Variants in NOP58 observed in about 807,000 individuals in gnomAD.
The protein encoded by NOP58 is NOP58 ribonucleoprotein, also known as nucleolar protein 58.
In NOP58, 44 loss-of-function variants were observed where a neutral mutation model predicts 71.2. The observed-to-expected ratio is 0.62, with a 90% confidence interval of 0.49 to 0.79. The LOEUF (loss-of-function observed/expected upper bound fraction) is 0.79. Among genes scored for constraint, NOP58 ranks in the 30% least tolerant of loss-of-function variants. The probability of loss-of-function intolerance (pLI) is 0.00; values close to 1 mark genes in which losing one functional copy is unlikely to be tolerated. For missense variants in NOP58, 538 were observed against 620.2 expected (o/e 0.87, Z 1.41); for synonymous variants, 228 against 200.3 (o/e 1.14, Z -1.17).
At chr2:202,293,439 A>G (rs1335893006) in intron 9 of NOP58, among the ~76,000 whole-genome samples, 3 of 152,262 alleles carry the variant, frequency 2.0e-5, no homozygotes. Context: ...TAAGGATGAT[A>G]TGCTATAATT....
chr2:202,278,067 G>C, intron 3 of NOP58, 65 bp downstream of exon 3: 1 of 995,110 alleles, frequency 1.0e-6, no homozygotes, highest in East Asian at 2.4e-5. Context: ...TGTTTTTCTT[G>C]TTTAAAAGGT....
intron 11 of NOP58, 110 bp downstream of exon 11, chr2:202,297,623 G>C: frequency 8.9e-7 from 1 of 1,124,446 alleles, no homozygotes; most frequent in Non-Finnish European, 1.3e-6. Flanking sequence ...TTATTAGTAT[G>C]TCTAAAGTAT....
rs776779074 is a variant in NOP58 at position 202,297,905 on chromosome 2, AG to A, written c.1268+1del. The A allele has an allele frequency of 6.4e-7, 1 of 1,568,428 alleles. No individual in the cohort carries two copies. The highest frequency in any genetic ancestry group is 8.7e-7 in the Non-Finnish European group (1 of 1,153,484). ...LAKTEKYEHK[S>X]EVKTYDPSGD... ...AAAAACAGAAAAATATGAACACAAA[AG>A]GTGAGTACATTTAAGTGAGGATGGG... On this transcript the variant is annotated frameshift_variant and splice_region_variant, in exon 12 of 15. Transcript: ENST00000264279. LOFTEE classifies it high-confidence loss of function.
intron 3 of NOP58, among the ~76,000 whole-genome samples, chr2:202,279,195 T>G (rs1688659711): frequency 6.6e-6 from 1 of 152,192 alleles, no homozygotes; most frequent in African/African-American, 2.4e-5. Flanking sequence ...TGATCTCAAG[T>G]AGCCTCTTCT....
At chr2:202,299,027 G>A (rs959465785) in intron 12 of NOP58, among the ~76,000 whole-genome samples, 9 of 129,486 alleles carry the variant, frequency 7.0e-5, no homozygotes, top group Non-Finnish European at 7.8e-5. Flanking sequence ...TGGCACGATT[G>A]CGGCTCACTG....
At chr2:202,266,429 G>C (rs1446766753) in intron 1 of NOP58, among the ~76,000 whole-genome samples, 3 of 152,056 alleles carry the variant, frequency 2.0e-5, no homozygotes. Flanking sequence ...CTCCCGAGTA[G>C]CTGGGATTAC....
chr2:202,278,208 A>G (rs765724881), intron 3 of NOP58: 4 of 653,226 alleles, frequency 6.1e-6, no homozygotes, highest in South Asian at 2.9e-5. Flanking sequence ...TTTTTTCACC[A>G]TAGGGCTGGT....
chr2:202,298,017 T>A, intron 12 of NOP58, 111 bp downstream of exon 12: 2 of 667,234 alleles, frequency 3.0e-6, no homozygotes, highest in Non-Finnish European at 4.9e-6. Flanking sequence ...TTTTCAAATT[T>A]ATTTATTTGA....
chr2:202,282,559 T>G (rs1355912166), intron 4 of NOP58, 87 bp downstream of exon 4: 2 of 1,320,116 alleles, frequency 1.5e-6, no homozygotes, highest in Non-Finnish European at 2.1e-6. Context: ...ATAAGTTGCT[T>G]ATCATAAATT....
At chr2:202,299,058 C>T (rs140919900) in intron 12 of NOP58, among the ~76,000 whole-genome samples, 521 of 140,222 alleles carry the variant, frequency 3.7e-3, no homozygotes, top group Admixed American at 6.4e-3. Context: ...CTCCCCGGTT[C>T]AAGTTATGCT....
At chr2:202,281,864 T>C (rs752728372) in intron 3 of NOP58, among the ~76,000 whole-genome samples, 15 of 152,156 alleles carry the variant, frequency 9.9e-5, no homozygotes, top group Non-Finnish European at 1.8e-4. Context: ...GCTACTAAGT[T>C]TTACATTGCT....
intron 1 of NOP58, among the ~76,000 whole-genome samples, chr2:202,266,207 T>C (rs1221362660): frequency 6.6e-6 from 1 of 152,076 alleles, no homozygotes; most frequent in Non-Finnish European, 1.5e-5. Flanking sequence ...TTTTATTTCC[T>C]CCCGTTGAAG....
rs987765770 is a variant in NOP58, at chr2:202,297,003, G to T, written c.1072-376G>T. 6.6e-5 allele frequency among the ~76,000 whole-genome samples: 10 copies of T among 152,176 alleles called. 1 individual carries two copies. The highest frequency in any genetic ancestry group is 2.4e-4 in the African/African-American group (10 of 41,440). On this transcript the variant is annotated intron_variant, in intron 10 of 14. Coordinates refer to ENST00000264279, the MANE Select transcript of NOP58 (RefSeq NM_015934.5). ...TCGCCTCGGCCTCCCAAAGTGCTGG[G>T]ATTACAGGCGTGAGCCACCGCGCTC...
intron 2 of NOP58, 43 bp downstream of exon 2, chr2:202,275,232 G>T: frequency 2.1e-6 from 2 of 974,794 alleles, no homozygotes; most frequent in Non-Finnish European, 3.1e-6. Context: ...TAACATTTAG[G>T]GCTTGTTTTA....
intron 3 of NOP58, 49 bp downstream of exon 3, chr2:202,278,051 G>A (rs1385804645): frequency 2.6e-6 from 3 of 1,162,500 alleles, no homozygotes; most frequent in Non-Finnish European, 3.9e-6. Context: ...TTAAGTCTTA[G>A]CCGTTTGTTT....
chr2:202,269,553 CTGT>C (rs1688479238), intron 1 of NOP58, among the ~76,000 whole-genome samples: 1 of 151,928 alleles, frequency 6.6e-6, no homozygotes, highest in South Asian at 2.1e-4. Flanking sequence ...TGTAAAGGAA[CTGT>C]TGTGATTAAT....
chr2:202,274,402 T>G (rs1028994412), intron 1 of NOP58, among the ~76,000 whole-genome samples: 2 of 83,468 alleles, frequency 2.4e-5, no homozygotes, highest in Non-Finnish European at 5.2e-5. Context: ...AATTTTGTAT[T>G]TTTTTTTTTT....
At chr2:202,279,003 T>A (rs1008741745) in intron 3 of NOP58, among the ~76,000 whole-genome samples, 1 of 152,212 alleles carries the variant, frequency 6.6e-6, no homozygotes, top group African/African-American at 2.4e-5. Flanking sequence ...TAGAGTTATA[T>A]ACAGCCATAA....
chr2:202,289,943 A>C (rs1297464107), intron 6 of NOP58, among the ~76,000 whole-genome samples: 1 of 151,850 alleles, frequency 6.6e-6, no homozygotes, highest in Admixed American at 6.6e-5. Flanking sequence ...TTGAAGTGTT[A>C]TTTTTTATTC....
Sources: allele counts gnomAD v4.1 joint callset (sites outside exome capture counted in the v4.1 genomes callset), GRCh38; gene constraint gnomAD v4.1.1; transcripts MANE v1.5; gene names NCBI Gene and HGNC (gene_info 2026-07-23, HGNC 2026-07-21).